Variants in RELN observed in about 807,000 individuals in gnomAD.
The protein encoded by RELN is reelin.
Under a neutral mutation model 427.6 loss-of-function variants are expected in RELN, and 108 were observed. The ratio of observed to expected loss-of-function variants is 0.25; its 90% CI spans 0.22 to 0.30. The LOEUF (loss-of-function observed/expected upper bound fraction) is 0.30. Ranked by LOEUF, RELN falls within the 10% of genes least tolerant of loss-of-function variation. The probability of loss-of-function intolerance (pLI) is 1.00; values close to 1 mark genes in which losing one functional copy is unlikely to be tolerated. For synonymous variants in RELN, 1,524 were observed against 1,513.4 expected (o/e 1.01, Z -0.16); for missense variants, 3,715 against 4,302.8 (o/e 0.86, Z 3.82).
In RELN at chr7:103,989,365, C is replaced by T; in HGVS notation, c.-9G>A. 1 of 1,415,084 alleles carries T rather than the reference C, an allele frequency of 7.1e-7. No individual in the cohort carries two copies. The highest frequency in any genetic ancestry group is 3.0e-5 in the East Asian group (1 of 33,120). 87.7% of individuals were successfully genotyped at this position (1,415,084 alleles called of 1,614,324 possible). A position where few individuals can be genotyped will look rare whatever the true frequency, so the allele number is the denominator to read the frequency against. On this transcript the variant is annotated 5_prime_UTR_variant, in exon 1 of 65. Transcript: ENST00000428762. This position sits in a 1 kb window ranked among gnomAD's most constrained non-coding sequence, Gnocchi z 4.9. ...CAGCCACTGCGCTCCATGCCGCCGCCGCCGCCGCCGCCGCCGCGCGCCCTA... is the reference window on the plus strand; with the variant it reads ...CAGCCACTGCGCTCCATGCCGCCGCTGCCGCCGCCGCCGCCGCGCGCCCTA...
At chr7:103,713,427 A>G (rs755464938) in intron 8 of RELN, among the ~76,000 whole-genome samples, 1 of 152,156 alleles carries the variant, frequency 6.6e-6, no homozygotes, top group Non-Finnish European at 1.5e-5. Flanking sequence ...GGAGAACAGG[A>G]CCATTAACTT....
Position 103,540,264 on chromosome 7 carries a change from G to A in RELN, c.6863C>T (p.Ser2288Phe), listed in dbSNP as rs1209019971. 1.2e-6 allele frequency: 2 copies of A among 1,614,196 alleles called. No individual in the cohort carries two copies. Among genetic ancestry groups the A allele is most frequent in the Admixed American group, 1.7e-5 (1 of 60,024 alleles). The change falls in exon 44 of 65, where the codon TCT becomes TTT. Residue 2288 changes from serine (S) to phenylalanine (F), a missense_variant. Ser to Phe is a radical substitution (Grantham distance 155, BLOSUM62 -2). This residue lies in a region of RELN where 1,310 missense variants were observed against 1,643.0 expected (regional missense o/e 0.80). Transcript: ENST00000428762. ...LEIPLKARSGSTRLRWWQPSE... is the reference protein window; with the variant it reads ...LEIPLKARSGFTRLRWWQPSE... ...CGGTTGCCACCAGCGAAGGCGAGTA[G>A]AACCAGAACGGGCTTTCAAGGGTAT...
At chr7:103,926,462 C>T (rs1795738489) in intron 1 of RELN, among the ~76,000 whole-genome samples, 1 of 151,970 alleles carries the variant, frequency 6.6e-6, no homozygotes, top group Non-Finnish European at 1.5e-5. Context: ...TTCATATTTG[C>T]AACAACTTTA....
intron 22 of RELN, among the ~76,000 whole-genome samples, chr7:103,604,945 T>A (rs781746468): frequency 5.3e-5 from 8 of 151,544 alleles, no homozygotes; most frequent in Non-Finnish European, 8.8e-5. Flanking sequence ...TTATCTTGCC[T>A]CAGCCTCCCA....
At chr7:103,947,786 G>C (rs182735004) in intron 1 of RELN, among the ~76,000 whole-genome samples, 1 of 152,274 alleles carries the variant, frequency 6.6e-6, no homozygotes, top group Non-Finnish European at 1.5e-5. Context: ...TGACTCTAGT[G>C]CATATGTAAA....
At chr7:103,839,362 A>G (rs1793496636) in intron 2 of RELN, among the ~76,000 whole-genome samples, 1 of 138,670 alleles carries the variant, frequency 7.2e-6, no homozygotes, top group Admixed American at 7.7e-5. Context: ...ACACATTGTA[A>G]TTGGCATTTT....
At chr7:103,888,655 A>T (rs1794777333) in intron 2 of RELN, among the ~76,000 whole-genome samples, 1 of 152,134 alleles carries the variant, frequency 6.6e-6, no homozygotes, top group Non-Finnish European at 1.5e-5. Flanking sequence ...CTTCGTAGAA[A>T]GTATAAAGAT....
Position 103,696,567 on chromosome 7 carries a change from C to G in RELN, c.1143+1286G>C, listed in dbSNP as rs73410833. On this transcript the variant is annotated intron_variant, in intron 10 of 64. Coordinates refer to ENST00000428762, the MANE Select transcript of RELN (RefSeq NM_005045.4). ...CCATCCAGCTGCCTATACCTTGTCC[C>G]TGACATCTATCATTCCTTCATGTTC... is the stretch of plus-strand genomic sequence containing the variant. Among the ~76,000 whole-genome samples the G allele has an allele frequency of 1.2e-3, 187 of 152,266 alleles. 1 individual carries two copies. Among genetic ancestry groups the G allele is most frequent in the African/African-American group, 4.3e-3 (179 of 41,568 alleles).
intron 30 of RELN, 78 bp from the exon 31 acceptor site, chr7:103,572,338 A>G (rs1830901288): frequency 1.3e-6 from 1 of 792,516 alleles, no homozygotes. Flanking sequence ...GACACATTAG[A>G]AAAAAACCCT....
chr7:103,724,288 A>G (rs1452386468), intron 7 of RELN, among the ~76,000 whole-genome samples: 1 of 152,038 alleles, frequency 6.6e-6, no homozygotes, highest in Non-Finnish European at 1.5e-5. Context: ...TAGCCCTTAT[A>G]TGACAGAGTC....
At position 103,553,517 on chromosome 7, in the gene RELN, G is replaced by T; in HGVS notation, c.6016C>A (p.His2006Asn). The change falls in exon 40 of 65, where the codon CAT (histidine) becomes AAT (asparagine). Residue 2006 changes from histidine (H) to asparagine (N), a missense_variant. Physicochemically the swap from His to Asn is moderately conservative, Grantham distance 68. This residue lies in a region of RELN where 1,310 missense variants were observed against 1,643.0 expected (regional missense o/e 0.80). Transcript: ENST00000428762. The stretch of plus-strand genomic sequence containing the variant: ...TTTAGGTCACGGGTGGTAATGGAAT[G>T]CTCACCAACTTCATTTGAAACAAAC... ...MVFVSNEVGEHSITTRDLNVN... is the reference protein window; with the variant it reads ...MVFVSNEVGENSITTRDLNVN... The T allele has an allele frequency of 6.2e-7, 1 of 1,614,052 alleles. No individual in the cohort carries two copies. Among genetic ancestry groups the T allele is most frequent in the Non-Finnish European group, 8.5e-7 (1 of 1,179,966 alleles).
Position 103,565,283 on chromosome 7 carries a change from G to A in RELN, c.5205C>T (p.Ser1735=). ...WKRITVYLPL[S]TISPRTRFRW... ...AGCCAAATGACAATTCTCACATGGTGGAGAGTGGAAGGTAGACAGTGATCC... is the reference window on the plus strand; with the variant it reads ...AGCCAAATGACAATTCTCACATGGTAGAGAGTGGAAGGTAGACAGTGATCC... Residue 1735 remains serine (S), a synonymous_variant, in exon 34 of 65, where the codon TCC becomes TCT. Transcript: ENST00000428762. 1 of 1,614,096 alleles carries A rather than the reference G, an allele frequency of 6.2e-7. No individual in the cohort carries two copies. Among genetic ancestry groups the A allele is most frequent in the Non-Finnish European group, 8.5e-7 (1 of 1,179,986 alleles).
At chr7:103,851,827 C>A (rs781204285) in intron 2 of RELN, among the ~76,000 whole-genome samples, 2 of 152,198 alleles carry the variant, frequency 1.3e-5, no homozygotes, top group African/African-American at 2.4e-5. Flanking sequence ...TTCAAGTAGG[C>A]ATTATTCAAT....
At position 103,496,644 on chromosome 7, in the gene RELN, A is replaced by G. The variant is rs1828850287; in HGVS notation, c.9075T>C (p.Phe3025=). The G allele has an allele frequency of 1.9e-6, 3 of 1,614,096 alleles. No homozygotes were observed. The South Asian group carries it at 3.3e-5, about 18-fold the overall frequency. The change falls in exon 56 of 65, where the codon TTT becomes TTC. Residue 3025 remains phenylalanine, a synonymous_variant. Transcript: ENST00000428762. ...NTTRLRWWQP[F]VISNGIVVSG... ...AGACCACAATTCCATTGCTGATCAC[A>G]AAAGGCTGCCACCAGCGAAGTCGAG... is the stretch of plus-strand genomic sequence containing the variant.
chr7:103,705,503 A>G (rs1834180101), intron 8 of RELN, among the ~76,000 whole-genome samples: 1 of 152,210 alleles, frequency 6.6e-6, no homozygotes, highest in Non-Finnish European at 1.5e-5. Context: ...CTAGCCTTAA[A>G]CAGATCATAC....
intron 1 of RELN, among the ~76,000 whole-genome samples, chr7:103,978,537 G>C (rs1229268537): frequency 1.3e-5 from 2 of 152,204 alleles, no homozygotes; most frequent in Non-Finnish European, 2.9e-5. Flanking sequence ...TGTAGAAAGA[G>C]TTAGGAATGA....
chr7:103,791,581 C>T (rs1792162579), intron 3 of RELN, among the ~76,000 whole-genome samples: 1 of 151,864 alleles, frequency 6.6e-6, no homozygotes, highest in African/African-American at 2.4e-5. Context: ...CAAAAATTAA[C>T]AAAATGGATC....
At chr7:103,479,377 G>A (rs1166810601) in intron 63 of RELN, among the ~76,000 whole-genome samples, 2 of 152,212 alleles carry the variant, frequency 1.3e-5, no homozygotes, top group Non-Finnish European at 2.9e-5. Context: ...TCTGACACTT[G>A]ATTGTCAATG....
intron 1 of RELN, among the ~76,000 whole-genome samples, chr7:103,985,452 G>A (rs765197496): frequency 6.6e-5 from 10 of 152,128 alleles, no homozygotes; most frequent in East Asian, 1.9e-4. Context: ...CTTAACGCTT[G>A]TCTTTCATGC....
Sources: gnomAD v4.1 joint callset for allele counts (sites outside exome capture counted in the v4.1 genomes callset) on GRCh38, gnomAD v4.1.1 for gene constraint, gnomAD v4.1.1 regional missense constraint, Gnocchi (gnomAD v3.1) non-coding constraint, MANE v1.5 for transcripts, NCBI Gene and HGNC (gene_info 2026-07-23, HGNC 2026-07-21) for gene names.